Variants in IGSF10 observed in about 807,000 individuals in gnomAD.
IGSF10 encodes the protein immunoglobulin superfamily member 10.
In IGSF10, 126 loss-of-function variants were observed where a neutral mutation model predicts 128.2. The observed-to-expected ratio is 0.98, with a 90% CI of 0.85 to 1.14. The LOEUF is 1.14. Ranked by LOEUF, IGSF10 falls within the 50% of genes most tolerant of loss-of-function variation. The pLI is 0.00. For missense variants in IGSF10, 3,295 were observed against 3,149.8 expected, an observed-to-expected ratio of 1.05 and a Z score of -1.10; for synonymous variants, 1,185 against 1,146.2, an observed-to-expected ratio of 1.03 and a Z score of -0.68.
the IGSF10 span, among the ~76,000 whole-genome samples, chr3:151,595,519 C>T: frequency 2.0e-5 from 3 of 148,328 alleles, no homozygotes; most frequent in Non-Finnish European, 3.0e-5. Context: ...CATCAATACT[C>T]TAATATATTA....
At chr3:151,467,322 A>G in the IGSF10 span, among the ~76,000 whole-genome samples, 12 of 152,202 alleles carry the variant, frequency 7.9e-5, no homozygotes, top group African/African-American at 2.9e-4. Context: ...GTCTGCTATA[A>G]CTACTTTCAC....
At chr3:151,540,233 G>A in the IGSF10 span, among the ~76,000 whole-genome samples, 1 of 152,076 alleles carries the variant, frequency 6.6e-6, no homozygotes, top group Non-Finnish European at 1.5e-5. Context: ...TTGAACATGT[G>A]TAGCCAACAC....
the IGSF10 span, among the ~76,000 whole-genome samples, chr3:151,507,269 C>T: frequency 3.8e-3 from 583 of 152,094 alleles, 2 homozygotes; most frequent in African/African-American, 0.013. Context: ...TGGCCCTGAC[C>T]TTCATATTCC....
chr3:151,546,514 A>ATT, the IGSF10 span, among the ~76,000 whole-genome samples: 1 of 142,684 alleles, frequency 7.0e-6, no homozygotes, highest in Non-Finnish European at 1.5e-5. Context: ...TGCCTGGCTA[A>ATT]TTTTTTTTTT....
At chr3:151,439,171 A>G (rs1197473202) in intron 7 of IGSF10, among the ~76,000 whole-genome samples, 4 of 152,222 alleles carry the variant, frequency 2.6e-5, no homozygotes, top group Non-Finnish European at 4.4e-5. Flanking sequence ...TTCCTTGACC[A>G]TTTCACATAC....
chr3:151,513,562 A>T, the IGSF10 span, among the ~76,000 whole-genome samples: 1 of 152,174 alleles, frequency 6.6e-6, no homozygotes, highest in Non-Finnish European at 1.5e-5. Context: ...AACTGGCACA[A>T]GACAGGGATG....
intron 7 of IGSF10, among the ~76,000 whole-genome samples, chr3:151,441,245 C>T (rs986054085): frequency 1.3e-5 from 2 of 152,120 alleles, no homozygotes; most frequent in African/African-American, 4.8e-5. Context: ...TTTTTATAAA[C>T]TAATATTTTT....
At chr3:151,576,038 T>C in the IGSF10 span, among the ~76,000 whole-genome samples, 1 of 152,128 alleles carries the variant, frequency 6.6e-6, no homozygotes, top group African/African-American at 2.4e-5. Flanking sequence ...CTTTGACATC[T>C]TTTCTAATTT....
the IGSF10 span, among the ~76,000 whole-genome samples, chr3:151,479,662 G>C: frequency 1.3e-5 from 2 of 152,142 alleles, no homozygotes; most frequent in African/African-American, 4.8e-5. Context: ...TCCTTGTTAG[G>C]GCCAAGAGTG....
the IGSF10 span, among the ~76,000 whole-genome samples, chr3:151,506,850 C>A: frequency 6.6e-6 from 1 of 152,154 alleles, no homozygotes; most frequent in Non-Finnish European, 1.5e-5. Context: ...TCAAAACTGA[C>A]AAATGAACGT....
chr3:151,522,576 C>A, the IGSF10 span, among the ~76,000 whole-genome samples: 76,422 of 151,956 alleles, frequency 0.5, 19,942 homozygotes, highest in East Asian at 0.73. Context: ...ATAAACAGAA[C>A]TAAAAGTAAA....
At chr3:151,617,094 G>C in the IGSF10 span, among the ~76,000 whole-genome samples, 1 of 151,854 alleles carries the variant, frequency 6.6e-6, no homozygotes, top group Non-Finnish European at 1.5e-5. Context: ...TCCCTGTTGG[G>C]GTTTAGACTT....
downstream of IGSF10, chr3:151,435,335 T>A (rs971752301): frequency 1.4e-5 from 2 of 147,668 alleles, no homozygotes; most frequent in African/African-American, 2.5e-5. Context: ...AGGGTTGCAT[T>A]TGTCAGTCAT....
chr3:151,488,810 T>C, the IGSF10 span, among the ~76,000 whole-genome samples: 2 of 152,308 alleles, frequency 1.3e-5, no homozygotes, highest in Non-Finnish European at 2.9e-5. Flanking sequence ...TTACACCTTA[T>C]ACAAAAAGTA....
the IGSF10 span, among the ~76,000 whole-genome samples, chr3:151,561,460 AG>A: frequency 6.6e-6 from 1 of 152,176 alleles, no homozygotes; most frequent in South Asian, 2.1e-4. Flanking sequence ...CTGTACAAAG[AG>A]GTGTATAAAG....
the IGSF10 span, among the ~76,000 whole-genome samples, chr3:151,552,785 T>C: frequency 6.6e-6 from 1 of 152,196 alleles, no homozygotes; most frequent in Non-Finnish European, 1.5e-5. Flanking sequence ...CATGCAGAGA[T>C]AAGCAAAAGC....
the IGSF10 span, among the ~76,000 whole-genome samples, chr3:151,505,949 C>CTT: frequency 0.082 from 1,020 of 12,488 alleles, 14 homozygotes; most frequent in African/African-American, 0.13. Flanking sequence ...CTTCTTCTTC[C>CTT]TTTTTTTTTT....
chr3:151,443,284 T>TTTA lies in IGSF10; in HGVS notation c.5662_5663insTAA (p.Gln1888delinsLeuLys). 2 of 1,613,284 alleles carry TTTA rather than the reference T, an allele frequency of 1.2e-6. No homozygotes were observed. The highest frequency in any genetic ancestry group is 1.7e-6 in the Non-Finnish European group (2 of 1,179,498). On this transcript the variant is annotated protein_altering_variant, in exon 7 of 8. Coordinates refer to ENST00000282466, the MANE Select transcript of IGSF10 (RefSeq NM_178822.5). Reference sequence around the variant, plus strand: ...TAAGAACAACTTGGAATTGGTAAACTGTAATGGTTTCACTTCAGTGCCATC... The same window carrying TTTA: ...TAAGAACAACTTGGAATTGGTAAACTTTAGTAATGGTTTCACTTCAGTGCCATC...
Position 151,445,168 on chromosome 3 carries a change from T to C in IGSF10, c.4813A>G (p.Thr1605Ala). The C allele has an allele frequency of 6.2e-7, 1 of 1,614,178 alleles. No individual in the cohort carries two copies. The highest frequency in any genetic ancestry group is 8.5e-7 in the Non-Finnish European group (1 of 1,180,034). Reference protein sequence around the residue: ...LATTGLSEATTLVSDWDGQKN... With the variant: ...LATTGLSEATALVSDWDGQKN... ...TGTCCATCCCAATCTGAAACAAGAG[T>C]GGTGGCCTCGGACAGGCCTGTAGTA... The change falls in exon 6 of 8, where the codon ACT becomes GCT. Residue 1605 changes from threonine (T) to alanine (A), a missense_variant. Coordinates refer to ENST00000282466, the MANE Select transcript of IGSF10 (RefSeq NM_178822.5).
Sources: allele counts gnomAD v4.1 joint callset (sites outside exome capture counted in the v4.1 genomes callset), GRCh38; gene constraint gnomAD v4.1.1; transcripts MANE v1.5; gene names NCBI Gene and HGNC (gene_info 2026-07-23, HGNC 2026-07-21).